The following EXOC6 variants were observed in gnomAD, a reference collection of about 807,000 sequenced individuals.
The protein encoded by EXOC6 is SEC15-like 1.
In EXOC6, 60 loss-of-function variants were observed where a neutral mutation model predicts 112.5. The observed-to-expected ratio is 0.53, with a 90% CI of 0.43 to 0.66. EXOC6 has a LOEUF of 0.66. Ranked by LOEUF, EXOC6 falls within the 30% of genes least tolerant of loss-of-function variation. The pLI is 0.00. For missense variants in EXOC6, 855 were observed against 957.1 expected, an observed-to-expected ratio of 0.89 and a Z score of 1.41; for synonymous variants, 295 against 308.0, an observed-to-expected ratio of 0.96 and a Z score of 0.44.
intron 1 of EXOC6, among the ~76,000 whole-genome samples, chr10:92,841,636 A>G (rs1263113262): frequency 6.6e-6 from 1 of 152,192 alleles, no homozygotes; most frequent in Admixed American, 6.5e-5. Context: ...CATTTAAGTG[A>G]TATCATTAGC....
rs563282365 is a variant in EXOC6, at chr10:92,920,025, G to A, written c.863G>A (p.Arg288Gln). The change falls in exon 8 of 22, where the codon CGA (arginine) becomes CAA (glutamine). Residue 288 changes from arginine (R) to glutamine (Q), a missense_variant. Physicochemically the swap from Arg to Gln is conservative, Grantham distance 43. Around this residue, in one of 2 missense-constraint regions of EXOC6, gnomAD observed 405 missense variants for 393.6 expected, o/e 1.03. Transcript: ENST00000260762. ...CTTGTTGATTTTTCCCCTGTTTATC[G>A]ATGTTTGCACATTTATTCTGTTTTG... The part of the protein sequence containing the change: ...QDLVDFSPVY[R>Q]CLHIYSVLGD... 27 of 1,605,208 alleles carry A rather than the reference G, an allele frequency of 1.7e-5. No homozygotes were observed. The highest frequency in any genetic ancestry group is 8.4e-5 in the Admixed American group (5 of 59,366).
chr10:92,926,456 A>G (rs191814984), intron 8 of EXOC6, among the ~76,000 whole-genome samples: 4 of 151,978 alleles, frequency 2.6e-5, no homozygotes, highest in Admixed American at 1.3e-4. Flanking sequence ...GTATCTCTCT[A>G]TATTTGTATA....
At chr10:92,957,450 C>T (rs977308099) in intron 17 of EXOC6, among the ~76,000 whole-genome samples, 4 of 152,090 alleles carry the variant, frequency 2.6e-5, no homozygotes, top group African/African-American at 9.7e-5. Flanking sequence ...TCAAAATCTG[C>T]CTGTTGGGAA....
chr10:92,863,595 T>C (rs77001391), intron 1 of EXOC6, among the ~76,000 whole-genome samples: 3,344 of 152,086 alleles, frequency 0.022, 56 homozygotes, highest in African/African-American at 0.041. Context: ...CTGGGCAACA[T>C]GGAGAGATCC....
chr10:92,858,572 T>C (rs1351713041), intron 1 of EXOC6, among the ~76,000 whole-genome samples: 2 of 152,358 alleles, frequency 1.3e-5, no homozygotes, highest in African/African-American at 4.8e-5. Context: ...TTACTGACTT[T>C]TCAACTCTGG....
chr10:92,982,834 A>G (rs558949413), intron 18 of EXOC6, among the ~76,000 whole-genome samples: 2 of 152,264 alleles, frequency 1.3e-5, no homozygotes, highest in South Asian at 2.1e-4. Flanking sequence ...TGATGTGCCA[A>G]TTTAGTATCC....
chr10:93,024,696 G>A (rs766252477), intron 20 of EXOC6, among the ~76,000 whole-genome samples: 63 of 152,138 alleles, frequency 4.1e-4, no homozygotes, highest in Admixed American at 1.2e-3. Flanking sequence ...GGGATTACAG[G>A]TGTAAGCCAC....
Position 93,010,337 on chromosome 10 carries a change from A to G in EXOC6, c.2096-3857A>G, listed in dbSNP as rs183514899. 3.8e-3 allele frequency among the ~76,000 whole-genome samples: 586 copies of G among 152,340 alleles called. 2 individuals are homozygous for G. Among genetic ancestry groups the G allele is most frequent in the African/African-American group, 0.013 (541 of 41,582 alleles). On this transcript the variant is annotated intron_variant, in intron 19 of 21. Transcript: ENST00000260762. ...TAATCAGATTCTGGATTAATGGAGT[A>G]AATGCCAGAAAACCTGAATTAGTTA... is the stretch of plus-strand genomic sequence containing the variant.
intron 1 of EXOC6, among the ~76,000 whole-genome samples, chr10:92,860,120 A>G (rs1847835180): frequency 6.6e-6 from 1 of 152,090 alleles, no homozygotes; most frequent in Admixed American, 6.5e-5. Context: ...TAATCTTCCC[A>G]ATCTTGGCTT....
At chr10:93,050,632 T>G (rs1836207568) in intron 20 of EXOC6, among the ~76,000 whole-genome samples, 2 of 151,760 alleles carry the variant, frequency 1.3e-5, no homozygotes, top group Admixed American at 1.3e-4. Context: ...TGGTGGCGTG[T>G]GCCTGTAATG....
upstream of EXOC6, among the ~76,000 whole-genome samples, chr10:92,843,976 CAAAAAAAAAAAA>C (rs34641974): frequency 2.6e-5 from 1 of 37,896 alleles, no homozygotes; most frequent in African/African-American, 1.2e-4. Flanking sequence ...GACTCTGTCT[CAAAAAAAAAAAA>C]AAAAAAAAAA....
At chr10:92,859,821 A>ATGTGTGTGTG (rs10617958) in intron 1 of EXOC6, among the ~76,000 whole-genome samples, 43 of 141,700 alleles carry the variant, frequency 3.0e-4, no homozygotes, top group African/African-American at 7.3e-4. Flanking sequence ...GTTTGTGTGC[A>ATGTGTGTGTG]TGTGTGTGTG....
At chr10:93,046,468 C>A (rs1846004430) in intron 20 of EXOC6, among the ~76,000 whole-genome samples, 3 of 152,214 alleles carry the variant, frequency 2.0e-5, no homozygotes, top group Admixed American at 2.0e-4. Flanking sequence ...TCTGGAGAGG[C>A]TTCCTGGGAG....
Position 93,050,057 on chromosome 10 carries a change from A to T in EXOC6, c.2170-6867A>T, listed in dbSNP as rs571518856. On this transcript the variant is annotated intron_variant, in intron 20 of 21. Coordinates refer to ENST00000260762, the MANE Select transcript of EXOC6 (RefSeq NM_019053.6). ...CAAAGCTGTTAAAAAAAAAAATTTT[A>T]AAGTTATATAACAAGAAATAGAGGT... Among the ~76,000 whole-genome samples, 25 of 152,340 alleles carry T rather than the reference A, an allele frequency of 1.6e-4. No homozygotes were observed. In the South Asian group the frequency reaches 2.3e-3, roughly 14 times the overall value.
chr10:92,862,076 G>A (rs879399456), intron 1 of EXOC6, among the ~76,000 whole-genome samples: 10 of 152,120 alleles, frequency 6.6e-5, no homozygotes, highest in East Asian at 3.9e-4. Flanking sequence ...TGCAGCCATC[G>A]TCTCTATCTA....
At chr10:92,899,332 G>A (rs1190914386) in intron 4 of EXOC6, among the ~76,000 whole-genome samples, 1 of 152,078 alleles carries the variant, frequency 6.6e-6, no homozygotes, top group Admixed American at 6.6e-5. Context: ...TACGTGGTTA[G>A]CATATACAAG....
At position 92,940,789 on chromosome 10, in the gene EXOC6, T is replaced by C. The variant is rs374191246; in HGVS notation, c.1275T>C (p.Asn425=). 4 of 1,611,740 alleles carry C rather than the reference T, an allele frequency of 2.5e-6. No homozygotes were observed. Among genetic ancestry groups the C allele is most frequent in the African/African-American group, 2.7e-5 (2 of 74,728 alleles). ...DLLFEIRDQY[N]ETLLKKWAGV... ...TATTTGAAATAAGAGACCAATACAA[T>C]GAAACACTGCTTAAGAAATGGGCTG... Residue 425 remains asparagine (N), a synonymous_variant, in exon 13 of 22, where the codon AAT becomes AAC. Transcript: ENST00000260762.
At chr10:92,867,767 ATAT>A (rs1391457260) in intron 1 of EXOC6, among the ~76,000 whole-genome samples, 1 of 152,194 alleles carries the variant, frequency 6.6e-6, no homozygotes, top group Non-Finnish European at 1.5e-5. Context: ...GCTGAGATGG[ATAT>A]ATAAATGGAT....
chr10:92,898,429 C>CA (rs11187205), intron 4 of EXOC6, among the ~76,000 whole-genome samples: 41,440 of 137,044 alleles, frequency 0.3, 6,666 homozygotes, highest in East Asian at 0.72. Flanking sequence ...GACCTTGTCT[C>CA]AAAAAAAAAA....
Sources: allele counts gnomAD v4.1 joint callset (sites outside exome capture counted in the v4.1 genomes callset), GRCh38; gene constraint gnomAD v4.1.1; regional missense constraint gnomAD v4.1.1; transcripts MANE v1.5; gene names NCBI Gene and HGNC (gene_info 2026-07-23, HGNC 2026-07-21).